Variants in RARB observed in about 807,000 individuals in gnomAD.
The protein encoded by RARB is retinoic acid receptor beta.
In RARB, 17 loss-of-function variants were observed where a neutral mutation model predicts 51.9. That is an observed-to-expected ratio of 0.33 (90% confidence interval 0.22 to 0.49). RARB has a LOEUF of 0.49. Ranked by LOEUF, RARB falls within the 20% of genes least tolerant of loss-of-function variation. The probability of loss-of-function intolerance (pLI) is 0.99; values close to 1 mark genes in which losing one functional copy is unlikely to be tolerated. For synonymous variants in RARB, 215 were observed against 195.4 expected, an observed-to-expected ratio of 1.10 and a Z score of -0.84; for missense variants, 369 against 550.8, an observed-to-expected ratio of 0.67 and a Z score of 3.30.
chr3:24,856,526 C>G (rs774358122), intron 1 of RARB, among the ~76,000 whole-genome samples: 9 of 152,204 alleles, frequency 5.9e-5, no homozygotes, highest in Admixed American at 5.9e-4. Flanking sequence ...CTCAACACCT[C>G]TCTCCTGATT....
chr3:25,298,934 T>G lies in RARB; in HGVS notation c.178+124359T>G, dbSNP rs1703978878. Among the ~76,000 whole-genome samples, 5 of 152,128 alleles carry G rather than the reference T, an allele frequency of 3.3e-5. No individual in the cohort carries two copies. In the South Asian group the frequency reaches 1.0e-3, roughly 32 times the overall value. The stretch of plus-strand genomic sequence containing the variant: ...CCTGGAATACCTGAAATACCCATAT[T>G]AAGACTCCCTTGTATGATTATGCTA... On this transcript the variant is annotated intron_variant, in intron 5 of 11. Coordinates refer to the RARB transcript ENST00000383772.
At chr3:25,444,277 T>C (rs560205244) in intron 1 of RARB, among the ~76,000 whole-genome samples, 40 of 152,194 alleles carry the variant, frequency 2.6e-4, no homozygotes, top group Non-Finnish European at 5.3e-4. Context: ...CTTTGTATAA[T>C]GTAGGGTTCC....
chr3:25,301,465 G>A (rs904264610), intron 5 of RARB, among the ~76,000 whole-genome samples: 27 of 152,276 alleles, frequency 1.8e-4, no homozygotes, highest in East Asian at 1.7e-3. Context: ...CTACCTTCTC[G>A]TTATAACCAT....
intron 3 of RARB, among the ~76,000 whole-genome samples, chr3:25,079,632 C>T (rs534626967): frequency 8.6e-5 from 13 of 151,984 alleles, no homozygotes; most frequent in Admixed American, 3.3e-4. Context: ...TTTCCATATC[C>T]GCTTAGATGA....
At chr3:24,922,172 A>G (rs367978280) in intron 2 of RARB, among the ~76,000 whole-genome samples, 1 of 152,194 alleles carries the variant, frequency 6.6e-6, no homozygotes, top group East Asian at 1.9e-4. Context: ...GTAGCATTCA[A>G]CCCTGGTTCA....
intron 2 of RARB, among the ~76,000 whole-genome samples, chr3:25,046,467 T>G (rs1559446396): frequency 6.6e-6 from 1 of 152,166 alleles, no homozygotes; most frequent in Admixed American, 6.5e-5. Context: ...AATTTTTTTA[T>G]TTTTGAGACA....
chr3:24,905,768 A>C (rs115671570), intron 2 of RARB, among the ~76,000 whole-genome samples: 3,596 of 152,300 alleles, frequency 0.024, 82 homozygotes, highest in Middle Eastern at 0.072. Context: ...GAGCAGTTGC[A>C]CTGGCTAAGG....
In RARB at chr3:25,399,214, C is replaced by T. The variant is rs140902988; in HGVS notation, c.179-61979C>T. On this transcript the variant is annotated intron_variant, in intron 5 of 11. Coordinates refer to the RARB transcript ENST00000383772. ...CCCTGGGCTTGCTGGCTTTGCAGTT[C>T]TTTCCCCTGACTTCAGTTAAAAGTT... 3.6e-3 allele frequency among the ~76,000 whole-genome samples: 555 copies of T among 152,326 alleles called. 6 individuals carry two copies. The highest frequency in any genetic ancestry group is 0.013 in the African/African-American group (522 of 41,572).
intron 5 of RARB, among the ~76,000 whole-genome samples, chr3:25,329,213 A>G (rs1704817478): frequency 6.6e-6 from 1 of 152,178 alleles, no homozygotes; most frequent in Non-Finnish European, 1.5e-5. Flanking sequence ...CTGAGAATGG[A>G]CAGACTGCCT....
intron 2 of RARB, among the ~76,000 whole-genome samples, chr3:24,867,599 G>A (rs2885594): frequency 6.6e-6 from 1 of 151,982 alleles, no homozygotes; most frequent in Non-Finnish European, 1.5e-5. Context: ...CCCTTCTGTA[G>A]GGGAGGGAGC....
intron 1 of RARB, among the ~76,000 whole-genome samples, chr3:25,440,984 C>G (rs1708650450): frequency 6.6e-6 from 1 of 150,574 alleles, no homozygotes; most frequent in Non-Finnish European, 1.5e-5. Flanking sequence ...TTTCTGTCCT[C>G]TATTTTTCCA....
At chr3:24,873,618 AT>A (rs1485201140) in intron 2 of RARB, among the ~76,000 whole-genome samples, 2 of 146,930 alleles carry the variant, frequency 1.4e-5, no homozygotes, top group Non-Finnish European at 3.0e-5. Context: ...GTACTTTTTT[AT>A]TTGGGTTTAT....
At chr3:25,522,697 A>G (rs1003922015) in intron 3 of RARB, among the ~76,000 whole-genome samples, 7 of 152,126 alleles carry the variant, frequency 4.6e-5, no homozygotes, top group Non-Finnish European at 8.8e-5. Context: ...TAAGGCACAG[A>G]ATTTCATTCT....
chr3:24,988,815 A>G (rs1439734763), intron 2 of RARB, among the ~76,000 whole-genome samples: 1 of 151,944 alleles, frequency 6.6e-6, no homozygotes, highest in Non-Finnish European at 1.5e-5. Flanking sequence ...ATTATTTGTT[A>G]TTATTTTTAT....
At chr3:25,433,378 G>T (rs1708286468) in intron 1 of RARB, among the ~76,000 whole-genome samples, 1 of 152,168 alleles carries the variant, frequency 6.6e-6, no homozygotes, top group South Asian at 2.1e-4. Flanking sequence ...TATGTCTGAA[G>T]ATCGCCTTGT....
chr3:25,461,706 C>T (rs1306210554), intron 2 of RARB, among the ~76,000 whole-genome samples: 1 of 152,098 alleles, frequency 6.6e-6, no homozygotes, highest in Admixed American at 6.6e-5. Flanking sequence ...CCCGCCTGAC[C>T]AACATGGCAA....
intron 3 of RARB, among the ~76,000 whole-genome samples, chr3:25,502,922 G>A (rs767430339): frequency 2.0e-5 from 3 of 152,186 alleles, no homozygotes; most frequent in Non-Finnish European, 2.9e-5. Flanking sequence ...CCTCCAGGTC[G>A]TTTTGTTATA....
At chr3:24,989,778 T>C (rs1206463608) in intron 2 of RARB, among the ~76,000 whole-genome samples, 2 of 14,010 alleles carry the variant, frequency 1.4e-4, no homozygotes, top group Admixed American at 7.8e-4. Flanking sequence ...GTTTTTCTTT[T>C]TTTTTTTTTT....
At position 25,349,668 on chromosome 3, in the gene RARB, A is replaced by C. The variant is rs185823766; in HGVS notation, c.179-111525A>C. Among the ~76,000 whole-genome samples the C allele has an allele frequency of 3.4e-3, 523 of 152,364 alleles. 8 individuals are homozygous for C. Among genetic ancestry groups the C allele is most frequent in the Non-Finnish European group, 1.3e-3 (87 of 68,038 alleles). ...CAACAAAAAATTCTAAACAAACAAA[A>C]AAAAATTTAAACCAAAGTTGTACAT... On this transcript the variant is annotated intron_variant, in intron 5 of 11. Coordinates refer to the RARB transcript ENST00000383772.
Sources: allele counts gnomAD v4.1 joint callset (sites outside exome capture counted in the v4.1 genomes callset), GRCh38; gene constraint gnomAD v4.1.1; transcripts MANE v1.5; gene names NCBI Gene and HGNC (gene_info 2026-07-23, HGNC 2026-07-21).